Variants in FANCC observed in about 807,000 individuals in gnomAD.
FANCC encodes the protein FA complementation group C.
Under a neutral mutation model 71.3 loss-of-function variants are expected in FANCC, and 55 were observed. The ratio of observed to expected loss-of-function variants is 0.77; its 90% CI spans 0.62 to 0.97. The LOEUF (loss-of-function observed/expected upper bound fraction) is 0.97, where lower values mean the gene tolerates loss of function less well. FANCC is among the 50% of genes least tolerant of loss of function. FANCC has a pLI of 0.00. For synonymous variants in FANCC, 275 were observed against 244.9 expected (o/e 1.12, Z -1.15); for missense variants, 678 against 670.9 (o/e 1.01, Z -0.12).
chr9:95,221,958 A>G (rs1401136913), intron 4 of FANCC, among the ~76,000 whole-genome samples: 1 of 152,268 alleles, frequency 6.6e-6, no homozygotes, highest in Non-Finnish European at 1.5e-5. Context: ...AACACATACT[A>G]TCACACAATC....
intron 1 of FANCC, among the ~76,000 whole-genome samples, chr9:95,286,748 A>C (rs1229150846): frequency 1.3e-5 from 2 of 152,220 alleles, no homozygotes; most frequent in African/African-American, 4.8e-5. Flanking sequence ...CATCAGACCC[A>C]GTGTCCAGCC....
intron 1 of FANCC, among the ~76,000 whole-genome samples, chr9:95,256,203 T>C (rs536446096): frequency 7.2e-5 from 11 of 152,104 alleles, no homozygotes; most frequent in African/African-American, 9.7e-5. Flanking sequence ...GCCACAAAGA[T>C]ACTCCTCGAG....
chr9:95,258,035 G>A (rs1200580217), intron 1 of FANCC, among the ~76,000 whole-genome samples: 1 of 152,144 alleles, frequency 6.6e-6, no homozygotes, highest in Non-Finnish European at 1.5e-5. Flanking sequence ...TTCTGAAATT[G>A]AGGCAGTAAT....
intron 6 of FANCC, among the ~76,000 whole-genome samples, chr9:95,153,916 G>A (rs1680077744): frequency 6.6e-6 from 1 of 152,128 alleles, no homozygotes; most frequent in Non-Finnish European, 1.5e-5. Flanking sequence ...ACTTCAATGT[G>A]TTGTTTGTTG....
rs189751016 is a variant in FANCC, at chr9:95,102,001, T to C, written c.1534-151A>G. 53 of 904,616 alleles carry C rather than the reference T, an allele frequency of 5.9e-5. No homozygotes were observed. The African/African-American group carries it at 6.9e-4, about 12-fold the overall frequency. 56.0% of individuals were successfully genotyped at this position (904,616 alleles called of 1,614,324 possible). On this transcript the variant is annotated intron_variant, in intron 14 of 14. Coordinates refer to ENST00000289081, the MANE Select transcript of FANCC (RefSeq NM_000136.3). ...AAAGTAAAGCATCAGGGGCTCTAGT[T>C]TGCAAGGTGATTAGCATAGCAAGTC...
At chr9:95,195,522 C>T (rs1827397761) in intron 4 of FANCC, among the ~76,000 whole-genome samples, 1 of 152,174 alleles carries the variant, frequency 6.6e-6, no homozygotes, top group South Asian at 2.1e-4. Context: ...TTGCAGCTAT[C>T]ACAGTAAAGA....
intron 4 of FANCC, among the ~76,000 whole-genome samples, chr9:95,196,156 C>T (rs991906965): frequency 2.0e-5 from 3 of 151,978 alleles, no homozygotes; most frequent in Non-Finnish European, 4.4e-5. Flanking sequence ...GTTATAAGAA[C>T]GAATCTCCTT....
intron 13 of FANCC, among the ~76,000 whole-genome samples, chr9:95,108,380 C>T (rs1588035209): frequency 6.6e-6 from 1 of 152,344 alleles, no homozygotes; most frequent in East Asian, 1.9e-4. Context: ...GGCCATTCTG[C>T]CATCTAACTG....
intron 14 of FANCC, among the ~76,000 whole-genome samples, chr9:95,103,621 C>G (rs1272731530): frequency 6.6e-6 from 1 of 152,196 alleles, no homozygotes; most frequent in East Asian, 1.9e-4. Flanking sequence ...GGCGAGAGGC[C>G]AGGAGCCAGA....
At chr9:95,120,905 A>G (rs1261485752) in intron 10 of FANCC, among the ~76,000 whole-genome samples, 6 of 151,676 alleles carry the variant, frequency 4.0e-5, no homozygotes, top group Non-Finnish European at 5.9e-5. Context: ...TTACACTTCT[A>G]TTTTTTGGCA....
intron 4 of FANCC, among the ~76,000 whole-genome samples, chr9:95,240,104 G>C (rs1037939919): frequency 3.9e-5 from 6 of 152,210 alleles, no homozygotes; most frequent in African/African-American, 1.4e-4. Context: ...CAGCTATCTG[G>C]ACTAGCACAG....
chr9:95,205,369 A>G (rs1287210059), intron 4 of FANCC, among the ~76,000 whole-genome samples: 1 of 152,146 alleles, frequency 6.6e-6, no homozygotes, highest in African/African-American at 2.4e-5. Context: ...CTAAGATGTC[A>G]TATTTTATAT....
intron 4 of FANCC, among the ~76,000 whole-genome samples, chr9:95,200,368 T>C (rs961964064): frequency 6.6e-6 from 1 of 152,204 alleles, no homozygotes; most frequent in Non-Finnish European, 1.5e-5. Flanking sequence ...GGTGAGGGAA[T>C]TAATTGGGGT....
In FANCC at chr9:95,291,846, G is replaced by A. The variant is rs1027062950; in HGVS notation, c.-79+25680C>T. Among the ~76,000 whole-genome samples the A allele has an allele frequency of 5.3e-5, 8 of 150,556 alleles. 1 individual carries two copies. The highest frequency in any genetic ancestry group is 4.4e-5 in the Non-Finnish European group (3 of 67,724). On this transcript the variant is annotated intron_variant, in intron 1 of 14. Transcript: ENST00000289081. ...ACCTGTAGTCCCGGTTACTCGGGAG[G>A]CTGAGGCAGGAGGATCTCTTGAACC...
At chr9:95,290,712 T>C (rs1044695260) in intron 1 of FANCC, among the ~76,000 whole-genome samples, 4 of 152,034 alleles carry the variant, frequency 2.6e-5, no homozygotes, top group Admixed American at 2.0e-4. Context: ...CAGACAGAGA[T>C]TATAAAAAGA....
intron 4 of FANCC, among the ~76,000 whole-genome samples, chr9:95,228,493 C>A (rs1231644606): frequency 6.6e-6 from 1 of 152,242 alleles, no homozygotes; most frequent in East Asian, 1.9e-4. Flanking sequence ...CTATTCATTT[C>A]TTTACTGATT....
At chr9:95,149,832 G>T in intron 7 of FANCC, 91 bp downstream of exon 7, 1 of 1,415,824 alleles carries the variant, frequency 7.1e-7, no homozygotes, top group South Asian at 1.2e-5. Context: ...AAAACGTTTG[G>T]ACACTGCTGT....
intron 7 of FANCC, among the ~76,000 whole-genome samples, chr9:95,142,698 C>A (rs1828944387): frequency 6.6e-6 from 1 of 152,170 alleles, no homozygotes; most frequent in East Asian, 1.9e-4. Flanking sequence ...TCTTTTAACT[C>A]TCAGAAGTGG....
chr9:95,172,080 A>C lies in FANCC; in HGVS notation c.413T>G (p.Leu138Arg), dbSNP rs1564720454. 4 of 1,613,376 alleles carry C rather than the reference A, an allele frequency of 2.5e-6. No individual in the cohort carries two copies. The highest frequency in any genetic ancestry group is 3.4e-6 in the Non-Finnish European group (4 of 1,179,392). Residue 138 changes from leucine to arginine, a missense_variant, in exon 5 of 15, where the codon CTT (leucine) becomes CGT (arginine). Physicochemically the swap from Leu to Arg is moderately radical, Grantham distance 102 (BLOSUM62 -2). Transcript: ENST00000289081. ...ATAGTAATCTATAGGTGCATACCCA[A>C]GACCTTGAGTGAAAAGAGCAACTTC... ...DKEVALFTQG[L>R]GYAPIDYYPG...
Sources: allele counts gnomAD v4.1 joint callset (sites outside exome capture counted in the v4.1 genomes callset), GRCh38; gene constraint gnomAD v4.1.1; transcripts MANE v1.5; gene names NCBI Gene and HGNC (gene_info 2026-07-23, HGNC 2026-07-21).